Variants in CAMTA1 observed in about 807,000 individuals in gnomAD.
The protein encoded by CAMTA1 is calmodulin-binding transcription activator 1.
Under a neutral mutation model 170.9 loss-of-function variants are expected in CAMTA1, and 27 were observed. The observed-to-expected ratio is 0.16, with a 90% confidence interval of 0.12 to 0.22. The LOEUF (loss-of-function observed/expected upper bound fraction) is 0.22. Among genes scored for constraint, CAMTA1 ranks in the 10% least tolerant of loss-of-function variants. CAMTA1 has a pLI of 1.00. For missense variants in CAMTA1, 1,619 were observed against 2,217.2 expected (o/e 0.73, Z 5.42); for synonymous variants, 833 against 891.5 (o/e 0.93, Z 1.17).
chr1:7,412,617 G>A (rs998576834), intron 5 of CAMTA1, among the ~76,000 whole-genome samples: 78 of 152,062 alleles, frequency 5.1e-4, no homozygotes, highest in African/African-American at 1.8e-3. Context: ...TTTTTTTCTT[G>A]TAAATTTGTT....
chr1:7,593,592 C>T (rs996301562), intron 6 of CAMTA1, among the ~76,000 whole-genome samples: 3 of 150,576 alleles, frequency 2.0e-5, no homozygotes, highest in Non-Finnish European at 4.4e-5. Context: ...AGGGTTCAAG[C>T]GATTCTCCTG....
At chr1:7,166,576 C>T (rs1385388363) in intron 4 of CAMTA1, among the ~76,000 whole-genome samples, 1 of 152,182 alleles carries the variant, frequency 6.6e-6, no homozygotes, top group East Asian at 1.9e-4. Flanking sequence ...TGAGCTTCTT[C>T]TCATAGAGGG....
chr1:6,942,029 C>T (rs1304698981), intron 3 of CAMTA1, among the ~76,000 whole-genome samples: 1 of 152,082 alleles, frequency 6.6e-6, no homozygotes, highest in Admixed American at 6.5e-5. Context: ...CCACGGGCTT[C>T]ATGCAAGGCT....
At chr1:6,947,383 T>C (rs1461116740) in intron 3 of CAMTA1, among the ~76,000 whole-genome samples, 2 of 152,110 alleles carry the variant, frequency 1.3e-5, no homozygotes, top group Non-Finnish European at 2.9e-5. Context: ...TTTAATTTTT[T>C]TTTTTTTGTT....
In CAMTA1 at chr1:6,918,192, A is replaced by T. The variant is rs1226172056; in HGVS notation, c.234+92982A>T. ...TGCATGTCAGCAGCCCTGGCACTGA[A>T]AAGGGAAGACATATTGGAGGAGGAG... On this transcript the variant is annotated intron_variant, in intron 3 of 22. Transcript: ENST00000303635. This position sits in a 1 kb window ranked among gnomAD's most constrained non-coding sequence, Gnocchi z 4.0. Among the ~76,000 whole-genome samples the T allele has an allele frequency of 6.6e-6, 1 of 152,226 alleles. No individual in the cohort carries two copies. The highest frequency in any genetic ancestry group is 1.9e-4 in the East Asian group (1 of 5,204).
At chr1:7,070,200 GGGGGC>G (rs1023708292) in intron 3 of CAMTA1, among the ~76,000 whole-genome samples, 1 of 152,210 alleles carries the variant, frequency 6.6e-6, no homozygotes, top group African/African-American at 2.4e-5. Flanking sequence ...AGCATCAGAT[GGGGGC>G]GGGCTCAAAA....
At chr1:7,490,929 G>C (rs141090501) in intron 6 of CAMTA1, among the ~76,000 whole-genome samples, 11 of 152,146 alleles carry the variant, frequency 7.2e-5, no homozygotes, top group African/African-American at 2.4e-5. Context: ...TTCTGGCTTC[G>C]GTAGCAAAGA....
At chr1:6,925,815 G>A (rs1682969630) in intron 3 of CAMTA1, among the ~76,000 whole-genome samples, 1 of 152,194 alleles carries the variant, frequency 6.6e-6, no homozygotes, top group Admixed American at 6.5e-5. Context: ...TGAGGTCACT[G>A]GAGCCTGCAG....
intron 3 of CAMTA1, among the ~76,000 whole-genome samples, chr1:6,967,053 C>T (rs1450555549): frequency 1.3e-5 from 2 of 151,624 alleles, no homozygotes; most frequent in South Asian, 2.1e-4. Context: ...ACCAGCCTGA[C>T]CAATATGGTG....
chr1:6,955,383 C>A (rs1166166967), intron 3 of CAMTA1, among the ~76,000 whole-genome samples: 1 of 152,180 alleles, frequency 6.6e-6, no homozygotes, highest in Non-Finnish European at 1.5e-5. Flanking sequence ...AGAGTGAGAA[C>A]CACGGTCAAG....
intron 3 of CAMTA1, among the ~76,000 whole-genome samples, chr1:7,084,656 G>A (rs1340287694): frequency 5.9e-5 from 9 of 152,190 alleles, no homozygotes; most frequent in South Asian, 2.1e-4. Flanking sequence ...TGTGGGACGC[G>A]GAGGGTGCAG....
chr1:7,043,663 G>C (rs950414618), intron 3 of CAMTA1, among the ~76,000 whole-genome samples: 1 of 152,130 alleles, frequency 6.6e-6, no homozygotes, highest in Non-Finnish European at 1.5e-5. Context: ...TCAGTAGAAC[G>C]TAAGAAACGC....
At chr1:7,699,197 G>A (rs1193848164) in intron 11 of CAMTA1, among the ~76,000 whole-genome samples, 1 of 152,108 alleles carries the variant, frequency 6.6e-6, no homozygotes, top group Non-Finnish European at 1.5e-5. Flanking sequence ...GGGTTGTGCA[G>A]TCATCACCAC....
intron 4 of CAMTA1, among the ~76,000 whole-genome samples, chr1:7,130,059 C>T (rs958542734): frequency 5.3e-5 from 8 of 152,094 alleles, no homozygotes; most frequent in Admixed American, 3.9e-4. Context: ...GCCTCAGCCC[C>T]CCAAGTAGCT....
At chr1:7,033,301 A>C (rs1703062764) in intron 3 of CAMTA1, among the ~76,000 whole-genome samples, 1 of 152,144 alleles carries the variant, frequency 6.6e-6, no homozygotes, top group African/African-American at 2.4e-5. Flanking sequence ...AATTACACCC[A>C]GTGTGTTTTT....
At chr1:7,668,033 C>T (rs1260796420) in intron 9 of CAMTA1, among the ~76,000 whole-genome samples, 1 of 152,170 alleles carries the variant, frequency 6.6e-6, no homozygotes, top group Non-Finnish European at 1.5e-5. Context: ...AGAGCACCTT[C>T]TCTCTTGACA....
chr1:7,394,386 T>C (rs1042749898), intron 5 of CAMTA1, among the ~76,000 whole-genome samples: 6 of 152,178 alleles, frequency 3.9e-5, no homozygotes, highest in African/African-American at 1.4e-4. Flanking sequence ...GCCATTCTAA[T>C]TGGGGTAAGG....
At chr1:6,908,699 C>G (rs991054787) in intron 3 of CAMTA1, among the ~76,000 whole-genome samples, 4 of 152,032 alleles carry the variant, frequency 2.6e-5, no homozygotes, top group Non-Finnish European at 5.9e-5. Context: ...GATAACATAC[C>G]CTTCATGAGA....
At position 7,737,426 on chromosome 1, in the gene CAMTA1, G is replaced by A. The variant is rs1158403165; in HGVS notation, c.3514G>A (p.Ala1172Thr). ...CLEHLQRDEQ[A>T]QLGQNPRIHC... Reference sequence around the variant, plus strand: ...GGAGCACCTGCAGAGAGATGAGCAGGCTCAGCTGGGACAGAACCCCAGAAT... The same window carrying A: ...GGAGCACCTGCAGAGAGATGAGCAGACTCAGCTGGGACAGAACCCCAGAAT... The change falls in exon 15 of 23, where the codon GCT (alanine) becomes ACT (threonine). Residue 1172 changes from alanine (A) to threonine (T), a missense_variant. Ala to Thr is a moderately conservative substitution (Grantham distance 58). Coordinates refer to ENST00000303635, the MANE Select transcript of CAMTA1 (RefSeq NM_015215.4). The A allele has an allele frequency of 6.2e-7, 1 of 1,614,182 alleles. No individual in the cohort carries two copies. The highest frequency in any genetic ancestry group is 8.5e-7 in the Non-Finnish European group (1 of 1,179,990).
Sources: allele counts gnomAD v4.1 joint callset (sites outside exome capture counted in the v4.1 genomes callset), GRCh38; gene constraint gnomAD v4.1.1; non-coding constraint Gnocchi (gnomAD v3.1); transcripts MANE v1.5; gene names NCBI Gene and HGNC (gene_info 2026-07-23, HGNC 2026-07-21).